DLG2: variants seen among roughly 807,000 people sequenced by gnomAD.
DLG2 encodes the protein discs large MAGUK scaffold protein 2.
A neutral mutation model predicts 132.5 loss-of-function variants in DLG2; 45 were observed. The observed-to-expected ratio is 0.34, with a 90% CI of 0.27 to 0.44. DLG2 has a LOEUF of 0.44. DLG2 is among the 20% of genes least tolerant of loss of function. The pLI is 1.00. For synonymous variants in DLG2, 424 were observed against 419.6 expected, an observed-to-expected ratio of 1.01 and a Z score of -0.13; for missense variants, 1,045 against 1,196.9, an observed-to-expected ratio of 0.87 and a Z score of 1.87.
At chr11:83,944,108 G>A (rs12278713) in intron 14 of DLG2, among the ~76,000 whole-genome samples, 5,362 of 151,420 alleles carry the variant, frequency 0.035, 121 homozygotes, top group Non-Finnish European at 0.054. Flanking sequence ...CCATTACTTC[G>A]TCTTGGAGAT....
intron 6 of DLG2, among the ~76,000 whole-genome samples, chr11:84,770,896 C>A (rs2069249441): frequency 6.6e-6 from 1 of 151,886 alleles, no homozygotes; most frequent in African/African-American, 2.4e-5. Context: ...GATCTGCCTG[C>A]CCACCTTGGC....
intron 22 of DLG2, among the ~76,000 whole-genome samples, chr11:83,476,133 C>T (rs765153737): frequency 6.6e-5 from 10 of 152,016 alleles, no homozygotes; most frequent in South Asian, 2.1e-4. Context: ...AGTGGCAGTA[C>T]GTTTAATGCT....
chr11:85,292,757 G>A (rs1271345623), intron 3 of DLG2, among the ~76,000 whole-genome samples: 2 of 132,722 alleles, frequency 1.5e-5, no homozygotes, highest in African/African-American at 5.7e-5. Flanking sequence ...AGAAAGAGAA[G>A]AGAGGAGAAA....
In DLG2 at chr11:83,995,622, C is replaced by G. The variant is rs117057094; in HGVS notation, c.920-14980G>C. On this transcript the variant is annotated intron_variant, in intron 11 of 27. Coordinates refer to ENST00000376104, the MANE Select transcript of DLG2 (RefSeq NM_001142699.3). ...AAACAGTATGATACTGGCATAAAAA[C>G]AGACACATAGACAAAGGTAACAGAA... Among the ~76,000 whole-genome samples the G allele has an allele frequency of 7.2e-3, 1,101 of 152,230 alleles. 5 individuals carry two copies. Among genetic ancestry groups the G allele is most frequent in the Non-Finnish European group, 0.011 (755 of 67,990 alleles).
At chr11:83,678,244 A>G (rs983541140) in intron 18 of DLG2, among the ~76,000 whole-genome samples, 1 of 152,150 alleles carries the variant, frequency 6.6e-6, no homozygotes, top group African/African-American at 2.4e-5. Context: ...TTAATGGAGG[A>G]AAAAAGTCAA....
At chr11:84,988,148 A>G (rs542242187) in intron 6 of DLG2, among the ~76,000 whole-genome samples, 8 of 152,318 alleles carry the variant, frequency 5.3e-5, no homozygotes, top group East Asian at 3.9e-4. Flanking sequence ...AAAATGCTCA[A>G]CGTCACTAAT....
chr11:85,433,237 A>G (rs1044494120), intron 3 of DLG2, among the ~76,000 whole-genome samples: 2 of 152,176 alleles, frequency 1.3e-5, no homozygotes, highest in Non-Finnish European at 2.9e-5. Flanking sequence ...AACCAATGAC[A>G]CTATGAAGAA....
chr11:83,898,108 T>C (rs12275520), intron 15 of DLG2, among the ~76,000 whole-genome samples: 14,696 of 152,148 alleles, frequency 0.097, 843 homozygotes, highest in Middle Eastern at 0.2. Flanking sequence ...CCCTCAAAAT[T>C]TGCAGATAAA....
chr11:85,236,200 A>G (rs2075578396), intron 4 of DLG2, among the ~76,000 whole-genome samples: 1 of 152,012 alleles, frequency 6.6e-6, no homozygotes, highest in Non-Finnish European at 1.5e-5. Context: ...ATGCTGACTC[A>G]AAATCCAACA....
chr11:84,227,087 A>AAATT (rs1032325918), intron 8 of DLG2, among the ~76,000 whole-genome samples: 38 of 151,900 alleles, frequency 2.5e-4, no homozygotes, highest in Middle Eastern at 3.4e-3. Flanking sequence ...TCCATCTTAA[A>AAATT]AATTAATTAA....
chr11:84,980,657 C>T (rs1045381176), intron 6 of DLG2, among the ~76,000 whole-genome samples: 1 of 152,068 alleles, frequency 6.6e-6, no homozygotes, highest in African/African-American at 2.4e-5. Flanking sequence ...GTTAGAATAC[C>T]TAAGGTTAGT....
At chr11:85,597,082 G>T (rs992087243) in intron 3 of DLG2, among the ~76,000 whole-genome samples, 1 of 152,112 alleles carries the variant, frequency 6.6e-6, no homozygotes, top group Non-Finnish European at 1.5e-5. Flanking sequence ...CATTATTGGC[G>T]TTAAGCCAAG....
chr11:85,038,463 C>T (rs996163449), intron 6 of DLG2, among the ~76,000 whole-genome samples: 47 of 152,080 alleles, frequency 3.1e-4, no homozygotes, highest in African/African-American at 9.9e-4. Context: ...AGAAATACTC[C>T]GTTTAAAGAT....
At chr11:84,193,056 C>T (rs556320466) in intron 8 of DLG2, among the ~76,000 whole-genome samples, 33 of 152,224 alleles carry the variant, frequency 2.2e-4, no homozygotes, top group African/African-American at 7.7e-4. Context: ...GCTAACAATG[C>T]ATGTAGTTGA....
chr11:84,613,607 A>G (rs939521757), intron 6 of DLG2, among the ~76,000 whole-genome samples: 3 of 152,138 alleles, frequency 2.0e-5, no homozygotes, highest in Admixed American at 6.6e-5. Context: ...ATTATCAACT[A>G]CTCTTGTTAT....
At chr11:84,351,603 T>C (rs2098572369) in intron 7 of DLG2, among the ~76,000 whole-genome samples, 1 of 152,202 alleles carries the variant, frequency 6.6e-6, no homozygotes, top group African/African-American at 2.4e-5. Context: ...ATACAGTATT[T>C]TAACTGAGCG....
intron 6 of DLG2, among the ~76,000 whole-genome samples, chr11:84,580,152 G>A (rs1405409005): frequency 1.3e-5 from 2 of 152,152 alleles, no homozygotes; most frequent in Non-Finnish European, 2.9e-5. Flanking sequence ...CTCAGTAATC[G>A]ATTAAAGTGT....
intron 6 of DLG2, among the ~76,000 whole-genome samples, chr11:84,786,715 T>G (rs546528386): frequency 6.6e-6 from 1 of 152,174 alleles, no homozygotes; most frequent in Non-Finnish European, 1.5e-5. Context: ...GCTGCCTCAA[T>G]TGAATATTTC....
At chr11:85,268,012 ACTT>A (rs2077320461) in intron 4 of DLG2, among the ~76,000 whole-genome samples, 1 of 152,086 alleles carries the variant, frequency 6.6e-6, no homozygotes, top group Admixed American at 6.6e-5. Flanking sequence ...GTATTTAATT[ACTT>A]TCATTTATTG....
Sources: allele counts gnomAD v4.1 joint callset (sites outside exome capture counted in the v4.1 genomes callset), GRCh38; gene constraint gnomAD v4.1.1; transcripts MANE v1.5; gene names NCBI Gene and HGNC (gene_info 2026-07-23, HGNC 2026-07-21).